BAZ2B: variants seen among roughly 807,000 people sequenced by gnomAD.
BAZ2B encodes bromodomain adjacent to zinc finger domain 2B, also known as bromodomain adjacent to zinc finger domain protein 2B.
A neutral mutation model predicts 246.0 loss-of-function variants in BAZ2B; 91 were observed. The ratio of observed to expected loss-of-function variants is 0.37; its 90% CI spans 0.31 to 0.44. The LOEUF is 0.44. BAZ2B is among the 20% of genes least tolerant of loss of function. The pLI is 1.00. For synonymous variants in BAZ2B, 855 were observed against 860.0 expected, an observed-to-expected ratio of 0.99 and a Z score of 0.10; for missense variants, 2,332 against 2,533.7, an observed-to-expected ratio of 0.92 and a Z score of 1.71.
At chr2:159,400,062 AAGTTT>A (rs1377237690) in intron 17 of BAZ2B, among the ~76,000 whole-genome samples, 1 of 152,130 alleles carries the variant, frequency 6.6e-6, no homozygotes, top group Admixed American at 6.5e-5. Flanking sequence ...ATGCTAGCTG[AAGTTT>A]TCCTGTATTT....
At chr2:159,698,655 C>T in the BAZ2B span, among the ~76,000 whole-genome samples, 1 of 151,954 alleles carries the variant, frequency 6.6e-6, no homozygotes, top group African/African-American at 2.4e-5. Context: ...ACTGCTACTT[C>T]ATATATTAAG....
chr2:159,683,516 C>T, the BAZ2B span, among the ~76,000 whole-genome samples: 1 of 152,170 alleles, frequency 6.6e-6, no homozygotes, highest in Non-Finnish European at 1.5e-5. Context: ...TCCCTTATGC[C>T]CCTTTGTAGT....
intron 2 of BAZ2B, among the ~76,000 whole-genome samples, chr2:159,553,507 G>C (rs910109578): frequency 2.0e-5 from 3 of 151,774 alleles, no homozygotes; most frequent in African/African-American, 7.3e-5. Flanking sequence ...GATCACATAG[G>C]AAATGAGAAG....
chr2:159,420,537 C>T (rs1285447988), intron 13 of BAZ2B, among the ~76,000 whole-genome samples: 1 of 152,100 alleles, frequency 6.6e-6, no homozygotes, highest in African/African-American at 2.4e-5. Flanking sequence ...TCTAAACCTC[C>T]TGGTTGAAAG....
At chr2:159,478,747 T>C in intron 2 of BAZ2B, 26 bp from the exon 3 acceptor site, 4 of 1,431,610 alleles carry the variant, frequency 2.8e-6, no homozygotes, top group Non-Finnish European at 3.7e-6. Flanking sequence ...ATGTTAATTC[T>C]CAGTATCAGA....
chr2:159,642,875 GTTTTCA>G, the BAZ2B span, among the ~76,000 whole-genome samples: 1 of 151,972 alleles, frequency 6.6e-6, no homozygotes, highest in Non-Finnish European at 1.5e-5. Flanking sequence ...TATCCTTTGT[GTTTTCA>G]ATATTATCGA....
intron 2 of BAZ2B, among the ~76,000 whole-genome samples, chr2:159,495,353 C>T (rs1205982568): frequency 1.3e-5 from 2 of 149,002 alleles, no homozygotes; most frequent in Non-Finnish European, 3.0e-5. Flanking sequence ...GGCGTAGTGG[C>T]GGGCGCCTGT....
intron 13 of BAZ2B, among the ~76,000 whole-genome samples, chr2:159,418,304 A>G (rs1297151229): frequency 6.6e-6 from 1 of 152,218 alleles, no homozygotes; most frequent in African/African-American, 2.4e-5. Context: ...TATTTTCAAT[A>G]TGATCTTCCT....
At chr2:159,374,190 G>A (rs1444169399) in intron 26 of BAZ2B, among the ~76,000 whole-genome samples, 1 of 150,280 alleles carries the variant, frequency 6.7e-6, no homozygotes, top group South Asian at 2.1e-4. Flanking sequence ...GATTACAGGC[G>A]TAAACCACTT....
intron 2 of BAZ2B, among the ~76,000 whole-genome samples, chr2:159,480,679 C>T (rs1435538748): frequency 1.3e-5 from 2 of 151,998 alleles, no homozygotes; most frequent in African/African-American, 2.4e-5. Context: ...AAATTTAAAA[C>T]TGGCAATGAG....
Position 159,432,965 on chromosome 2 carries a change from C to G in BAZ2B, c.1692G>C (p.Lys564Asn), listed in dbSNP as rs746916300. The G allele has an allele frequency of 1.2e-6, 2 of 1,614,062 alleles. No individual in the cohort carries two copies. Among genetic ancestry groups the G allele is most frequent in the Admixed American group, 3.3e-5 (2 of 59,994 alleles). ...SASPILHSQG[K>N]EKAVSNNVNP... Reference sequence around the variant, plus strand: ...TTACATTATTGCTAACTGCTTTTTCCTTCCCTTGACTATGCAGGATGGGAG... The same window carrying G: ...TTACATTATTGCTAACTGCTTTTTCGTTCCCTTGACTATGCAGGATGGGAG... The change falls in exon 9 of 37, where the codon AAG (lysine) becomes AAC (asparagine). Residue 564 changes from lysine (K) to asparagine (N), a missense_variant. Lys to Asn is a moderately conservative substitution (Grantham distance 94, BLOSUM62 0). This residue lies in a region of BAZ2B where 651 missense variants were observed against 650.9 expected (regional missense o/e 1.00). Coordinates refer to ENST00000392783, the MANE Select transcript of BAZ2B (RefSeq NM_013450.4).
intron 2 of BAZ2B, among the ~76,000 whole-genome samples, chr2:159,508,068 G>A (rs1319514170): frequency 3.3e-5 from 5 of 151,966 alleles, no homozygotes; most frequent in Admixed American, 2.0e-4. Context: ...ATGGGGTTTC[G>A]TCATGTTGGC....
intron 27 of BAZ2B, among the ~76,000 whole-genome samples, chr2:159,365,290 C>A (rs546106320): frequency 9.5e-4 from 145 of 152,184 alleles, no homozygotes; most frequent in Non-Finnish European, 1.8e-3. Flanking sequence ...TGTACCCATC[C>A]TTTTAACAAT....
intron 2 of BAZ2B, among the ~76,000 whole-genome samples, chr2:159,520,039 T>TA (rs777033607): frequency 7.2e-5 from 11 of 152,040 alleles, no homozygotes; most frequent in Non-Finnish European, 1.3e-4. Context: ...TACTTTTTGT[T>TA]ACTGGTGCAG....
Position 159,349,279 on chromosome 2 carries a change from A to C in BAZ2B, c.4865T>G (p.Val1622Gly). 1 of 1,582,612 alleles carries C rather than the reference A, an allele frequency of 6.3e-7. No homozygotes were observed. Among genetic ancestry groups the C allele is most frequent in the Non-Finnish European group, 8.6e-7 (1 of 1,163,248 alleles). ...TCCCATCATAGATACTCCACCTTTC[A>C]CCTGCAAAAAGAAAACATTTATTAA... is the stretch of plus-strand genomic sequence containing the variant. Reference protein sequence around the residue: ...LNPFALSPLQVKGGVSMMGLQ... With the variant: ...LNPFALSPLQGKGGVSMMGLQ... The change falls in exon 29 of 37, where the codon GTG (valine) becomes GGG (glycine). Residue 1622 changes from valine to glycine, a missense_variant and splice_region_variant. By Grantham distance (109) the Val-to-Gly change is moderately radical (BLOSUM62 -3). Transcript: ENST00000392783.
chr2:159,472,713 G>T (rs1204635499), intron 3 of BAZ2B, among the ~76,000 whole-genome samples: 1 of 152,092 alleles, frequency 6.6e-6, no homozygotes, highest in Admixed American at 6.6e-5. Flanking sequence ...GAATATTATC[G>T]CAGGCCTTTT....
intron 2 of BAZ2B, among the ~76,000 whole-genome samples, chr2:159,492,924 A>G (rs1252855526): frequency 6.6e-6 from 1 of 152,204 alleles, no homozygotes; most frequent in Non-Finnish European, 1.5e-5. Flanking sequence ...TAATGTGCCA[A>G]CAACCTCTGT....
rs1468449406 is a variant in BAZ2B, at chr2:159,319,365, A to G, written c.*900T>C. 2.6e-5 allele frequency: 4 copies of G among 152,636 alleles called. No individual in the cohort carries two copies. The highest frequency in any genetic ancestry group is 9.6e-5 in the African/African-American group (4 of 41,460). The allele number at this position is 152,636 out of a possible 1,614,324, so 9.5% of individuals were successfully genotyped here. On this transcript the variant is annotated 3_prime_UTR_variant, in exon 37 of 37. Coordinates refer to ENST00000392783, the MANE Select transcript of BAZ2B (RefSeq NM_013450.4). This position sits in a 1 kb window ranked among gnomAD's most constrained non-coding sequence, Gnocchi z 4.0. ...GAAAAATGGAAAACTAATATCCCCTACACCCTGTTTCAAAGGCAGGCACTA... is the reference window on the plus strand; with the variant it reads ...GAAAAATGGAAAACTAATATCCCCTGCACCCTGTTTCAAAGGCAGGCACTA...
chr2:159,696,887 G>C, the BAZ2B span, among the ~76,000 whole-genome samples: 1 of 152,158 alleles, frequency 6.6e-6, no homozygotes, highest in Admixed American at 6.5e-5. Context: ...CCGGGTTCAA[G>C]TGACTCTCCA....
Sources: allele counts gnomAD v4.1 joint callset (sites outside exome capture counted in the v4.1 genomes callset), GRCh38; gene constraint gnomAD v4.1.1; regional missense constraint gnomAD v4.1.1; non-coding constraint Gnocchi (gnomAD v3.1); transcripts MANE v1.5; gene names NCBI Gene and HGNC (gene_info 2026-07-23, HGNC 2026-07-21).